Variants in PLPPR1 observed in about 807,000 individuals in gnomAD.
PLPPR1 encodes phospholipid phosphatase related 1.
A neutral mutation model predicts 33.1 loss-of-function variants in PLPPR1; 10 were observed. The ratio of observed to expected loss-of-function variants is 0.30; its 90% confidence interval spans 0.19 to 0.51. The LOEUF (loss-of-function observed/expected upper bound fraction) is 0.51, where lower values mean the gene tolerates loss of function less well. Ranked by LOEUF, PLPPR1 falls within the 20% of genes least tolerant of loss-of-function variation. The pLI, the probability that PLPPR1 is intolerant of heterozygous loss-of-function variation, is 0.97. For missense variants in PLPPR1, 304 were observed against 408.1 expected, an observed-to-expected ratio of 0.74 and a Z score of 2.20; for synonymous variants, 151 against 151.0, an observed-to-expected ratio of 1.00 and a Z score of 0.00.
intron 1 of PLPPR1, among the ~76,000 whole-genome samples, chr9:101,136,738 A>G (rs2118623563): frequency 6.6e-6 from 1 of 152,304 alleles, no homozygotes; most frequent in African/African-American, 2.4e-5. Flanking sequence ...GGCTTGCAGC[A>G]TCTGGCTCTT....
chr9:101,046,357 C>T (rs1830145898), intron 1 of PLPPR1, among the ~76,000 whole-genome samples: 1 of 152,070 alleles, frequency 6.6e-6, no homozygotes, highest in African/African-American at 2.4e-5. Flanking sequence ...CCACCCCTGC[C>T]CAGAGCAACA....
At chr9:101,238,507 T>C (rs1025817880) in intron 2 of PLPPR1, among the ~76,000 whole-genome samples, 2 of 151,212 alleles carry the variant, frequency 1.3e-5, no homozygotes, top group Non-Finnish European at 3.0e-5. Flanking sequence ...TTGGAGGCCA[T>C]TATCCTAAGT....
chr9:101,067,774 T>G (rs538394338), intron 1 of PLPPR1, among the ~76,000 whole-genome samples: 150 of 152,128 alleles, frequency 9.9e-4, no homozygotes, highest in Middle Eastern at 3.4e-3. Flanking sequence ...ATTGTTCTGT[T>G]AGGGAGTTGA....
intron 4 of PLPPR1, among the ~76,000 whole-genome samples, chr9:101,306,956 A>G (rs1275364122): frequency 6.6e-6 from 1 of 152,234 alleles, no homozygotes; most frequent in Non-Finnish European, 1.5e-5. Context: ...AAAGCCCTGT[A>G]TGATCTGACA....
intron 2 of PLPPR1, among the ~76,000 whole-genome samples, chr9:101,207,954 C>T (rs1471636492): frequency 2.0e-5 from 3 of 152,114 alleles, no homozygotes; most frequent in Non-Finnish European, 2.9e-5. Context: ...ATTTGGGTCA[C>T]ACAGTGCTTA....
chr9:101,289,958 G>A (rs911926100), intron 4 of PLPPR1, among the ~76,000 whole-genome samples: 2 of 152,156 alleles, frequency 1.3e-5, no homozygotes, highest in Non-Finnish European at 2.9e-5. Context: ...TTAGTCCTAG[G>A]AAATTAAAGT....
chr9:101,235,110 ATCTT>A (rs769145268), intron 2 of PLPPR1, among the ~76,000 whole-genome samples: 3 of 151,872 alleles, frequency 2.0e-5, no homozygotes, highest in Non-Finnish European at 4.4e-5. Flanking sequence ...GTATTTAACA[ATCTT>A]TCTATCCACG....
chr9:101,055,855 A>G (rs562969949), intron 1 of PLPPR1, among the ~76,000 whole-genome samples: 8 of 152,346 alleles, frequency 5.3e-5, no homozygotes, highest in Admixed American at 4.6e-4. Flanking sequence ...AGTAGACACA[A>G]TTAACTTCAT....
Position 101,175,967 on chromosome 9 carries a change from G to T in PLPPR1, c.-45-9483G>T, listed in dbSNP as rs374389906. ...AGAGAGAAAAGCCAGACTGGCTAAG[G>T]ACTTCACAACACAAGGAACAACATA... On this transcript the variant is annotated intron_variant, in intron 1 of 7. Coordinates refer to ENST00000374874, the MANE Select transcript of PLPPR1 (RefSeq NM_207299.2). Among the ~76,000 whole-genome samples, 13 of 152,278 alleles carry T rather than the reference G, an allele frequency of 8.5e-5. No homozygotes were observed. The East Asian group carries it at 2.1e-3, about 25-fold the overall frequency.
chr9:101,056,426 A>T (rs922979000), intron 1 of PLPPR1, among the ~76,000 whole-genome samples: 3 of 149,068 alleles, frequency 2.0e-5, no homozygotes, highest in African/African-American at 7.4e-5. Context: ...TTAGGTAATT[A>T]AAAAAAAAAT....
chr9:101,202,577 G>A (rs916220246), intron 2 of PLPPR1, among the ~76,000 whole-genome samples: 1 of 152,174 alleles, frequency 6.6e-6, no homozygotes, highest in Non-Finnish European at 1.5e-5. Flanking sequence ...ATGAGGATTT[G>A]AATGCAAGTA....
At chr9:101,209,351 G>A (rs867836045) in intron 2 of PLPPR1, among the ~76,000 whole-genome samples, 4 of 152,192 alleles carry the variant, frequency 2.6e-5, no homozygotes, top group African/African-American at 7.2e-5. Flanking sequence ...AATTTTTCCC[G>A]TCTGGCAGAT....
In PLPPR1 at chr9:101,324,092, C is replaced by A. The variant is rs758186538; in HGVS notation, c.*35C>A. 2 of 1,585,858 alleles carry A rather than the reference C, an allele frequency of 1.3e-6. No homozygotes were observed. The highest frequency in any genetic ancestry group is 1.3e-5 in the African/African-American group (1 of 74,520). On this transcript the variant is annotated 3_prime_UTR_variant, in exon 8 of 8. Coordinates refer to ENST00000374874, the MANE Select transcript of PLPPR1 (RefSeq NM_207299.2). Reference sequence around the variant, plus strand: ...TGTGTCACAAGCTGTTTTTTAAAATCATCTTCCAATTCTATACTTCAAAAC... The same window carrying A: ...TGTGTCACAAGCTGTTTTTTAAAATAATCTTCCAATTCTATACTTCAAAAC...
intron 2 of PLPPR1, among the ~76,000 whole-genome samples, chr9:101,245,294 G>A (rs889427892): frequency 1.3e-5 from 2 of 151,958 alleles, no homozygotes; most frequent in African/African-American, 4.8e-5. Context: ...CTTCAGCTAC[G>A]TGCAAGAATG....
chr9:101,048,934 A>G (rs1480456386), intron 1 of PLPPR1, among the ~76,000 whole-genome samples: 1 of 152,260 alleles, frequency 6.6e-6, no homozygotes, highest in Non-Finnish European at 1.5e-5. Flanking sequence ...AGCAAAGTGT[A>G]TAAATAAGAA....
rs5899429 is a variant in PLPPR1 at position 101,108,960 on chromosome 9, A to ATTTT, written c.-45-76477_-45-76474dup. ...CAAAAGCTCTTTTTTGTCTTCAATA[A>ATTTT]TTTTTTTTTTTTTTTTGAGATGGAG... On this transcript the variant is annotated intron_variant, in intron 1 of 7. Transcript: ENST00000374874. Among the ~76,000 whole-genome samples the ATTTT allele has an allele frequency of 6.4e-4, 88 of 136,780 alleles. 1 individual carries two copies. The highest frequency in any genetic ancestry group is 2.0e-3 in the African/African-American group (72 of 36,534). The allele number at this position is 136,780 out of a possible 152,430, so 89.7% of individuals were successfully genotyped here. A position where few individuals can be genotyped will look rare whatever the true frequency, so the allele number is the denominator to read the frequency against.
intron 1 of PLPPR1, among the ~76,000 whole-genome samples, chr9:101,069,186 C>T (rs1442922529): frequency 1.3e-5 from 2 of 151,722 alleles, no homozygotes; most frequent in Non-Finnish European, 2.9e-5. Flanking sequence ...AAATCTACAG[C>T]AGCCTGGCTC....
At chr9:101,198,219 C>A (rs1826433337) in intron 2 of PLPPR1, among the ~76,000 whole-genome samples, 1 of 152,234 alleles carries the variant, frequency 6.6e-6, no homozygotes, top group Non-Finnish European at 1.5e-5. Context: ...CATCAGTAAA[C>A]AATCTGTGCC....
chr9:101,270,164 C>G, intron 3 of PLPPR1, 96 bp downstream of exon 3: 1 of 1,336,822 alleles, frequency 7.5e-7, no homozygotes, highest in Non-Finnish European at 1.0e-6. Flanking sequence ...TGAGCATTCA[C>G]CAGCAGTTTT....
Sources: allele counts gnomAD v4.1 joint callset (sites outside exome capture counted in the v4.1 genomes callset), GRCh38; gene constraint gnomAD v4.1.1; transcripts MANE v1.5; gene names NCBI Gene and HGNC (gene_info 2026-07-23, HGNC 2026-07-21).